Variants in CDH18 observed in about 807,000 individuals in gnomAD.
The protein encoded by CDH18 is cadherin 18, also known as cadherin-18.
A neutral mutation model predicts 67.9 loss-of-function variants in CDH18; 31 were observed. The ratio of observed to expected loss-of-function variants is 0.46; its 90% CI spans 0.34 to 0.62. The LOEUF (loss-of-function observed/expected upper bound fraction) is 0.62, where lower values mean the gene tolerates loss of function less well. Among genes scored for constraint, CDH18 ranks in the 20% least tolerant of loss-of-function variants. CDH18 has a pLI of 0.01. For synonymous variants in CDH18, 362 were observed against 347.2 expected (o/e 1.04, Z -0.48); for missense variants, 890 against 975.5 (o/e 0.91, Z 1.17).
At position 20,270,493 on chromosome 5, in the gene CDH18, C is replaced by A. The variant is rs113866324; in HGVS notation, c.-579-14988G>T. Among the ~76,000 whole-genome samples, 611 of 151,906 alleles carry A rather than the reference C, an allele frequency of 4.0e-3. 1 individual carries two copies. The highest frequency in any genetic ancestry group is 6.5e-3 in the Non-Finnish European group (440 of 67,916). On this transcript the variant is annotated intron_variant, in intron 1 of 14. Transcript: ENST00000507958. ...AAAGTCAAAAAATAACAGATTCTGG[C>A]GAGGTTGTGGAGAAAAAAGGAATGC...
rs1737739693 is a variant in CDH18 at position 20,319,072 on chromosome 5, C to G, written c.-579-63567G>C. ...CTTGTTCATCTCATGAAAACTGGGT[C>G]TTTTTTATCACTTCCTCACGATCCT... On this transcript the variant is annotated intron_variant, in intron 1 of 14. Transcript: ENST00000507958. Among the ~76,000 whole-genome samples the G allele has an allele frequency of 2.0e-5, 3 of 152,124 alleles. No individual in the cohort carries two copies. The South Asian group carries it at 6.2e-4, about 31-fold the overall frequency.
intron 5 of CDH18, among the ~76,000 whole-genome samples, chr5:19,703,412 G>A (rs1763525426): frequency 6.6e-6 from 1 of 152,172 alleles, no homozygotes; most frequent in Admixed American, 6.5e-5. Context: ...GGAGGAAGGA[G>A]AGTATAACTA....
At chr5:20,150,166 G>T (rs1750989564) in intron 2 of CDH18, among the ~76,000 whole-genome samples, 2 of 152,042 alleles carry the variant, frequency 1.3e-5, no homozygotes, top group East Asian at 1.9e-4. Context: ...TAAGAACTAG[G>T]TTTAAGAAAT....
chr5:19,917,683 T>C (rs149190746), intron 2 of CDH18, among the ~76,000 whole-genome samples: 2 of 152,224 alleles, frequency 1.3e-5, no homozygotes, highest in African/African-American at 4.8e-5. Flanking sequence ...GTAATACATA[T>C]CATATTAAGG....
intron 7 of CDH18, among the ~76,000 whole-genome samples, chr5:19,583,607 G>T (rs1337731172): frequency 6.6e-6 from 1 of 152,006 alleles, no homozygotes; most frequent in Non-Finnish European, 1.5e-5. Context: ...TTAAAAACTG[G>T]TGCAAAAATA....
intron 7 of CDH18, 61 bp from the exon 8 acceptor site, chr5:19,571,893 T>TTATG: frequency 7.5e-7 from 1 of 1,338,522 alleles, no homozygotes; most frequent in East Asian, 2.3e-5. Context: ...TGACTTTCAT[T>TTATG]ACTTTTCAAA....
At chr5:20,304,648 C>A (rs1355177705) in intron 1 of CDH18, 1 of 1,611,772 alleles carries the variant, frequency 6.2e-7, no homozygotes, top group East Asian at 2.2e-5. Context: ...AAATGAGGCA[C>A]TTGTCGCTCC....
chr5:20,493,104 TCTAGGAGGC>T (rs1753683861), intron 1 of CDH18, among the ~76,000 whole-genome samples: 1 of 152,032 alleles, frequency 6.6e-6, no homozygotes, highest in African/African-American at 2.4e-5. Flanking sequence ...ATCCCAGCAC[TCTAGGAGGC>T]CTAGGCGGAC....
intron 5 of CDH18, among the ~76,000 whole-genome samples, chr5:19,643,277 G>C (rs78182656): frequency 6.6e-6 from 1 of 152,006 alleles, no homozygotes; most frequent in African/African-American, 2.4e-5. Context: ...CAATATGAAG[G>C]TTTCTCAGAC....
chr5:19,573,912 G>A (rs982948592), intron 7 of CDH18, among the ~76,000 whole-genome samples: 1 of 152,186 alleles, frequency 6.6e-6, no homozygotes, highest in Non-Finnish European at 1.5e-5. Context: ...GCTTGATGAT[G>A]TCTAAGGTTC....
intron 1 of CDH18, among the ~76,000 whole-genome samples, chr5:20,290,240 C>T (rs1354269990): frequency 6.6e-6 from 1 of 152,126 alleles, no homozygotes; most frequent in Non-Finnish European, 1.5e-5. Flanking sequence ...AGTGTTTTAG[C>T]AAGCTCTCCA....
chr5:19,896,165 T>G (rs1273635490), intron 2 of CDH18, among the ~76,000 whole-genome samples: 1 of 152,036 alleles, frequency 6.6e-6, no homozygotes, highest in Non-Finnish European at 1.5e-5. Context: ...GAGACCAGCC[T>G]GGCCAACATG....
chr5:20,251,646 GA>G (rs1743868023), intron 2 of CDH18, among the ~76,000 whole-genome samples: 1 of 152,170 alleles, frequency 6.6e-6, no homozygotes, highest in Non-Finnish European at 1.5e-5. Flanking sequence ...AGTGGTGGGG[GA>G]TGAGGCAGGA....
intron 5 of CDH18, among the ~76,000 whole-genome samples, chr5:19,676,783 C>T (rs1344996241): frequency 6.6e-6 from 1 of 151,998 alleles, no homozygotes; most frequent in Non-Finnish European, 1.5e-5. Flanking sequence ...TGCATGCAGG[C>T]AGCCCACCCT....
At chr5:20,405,459 T>C (rs905388539) in intron 1 of CDH18, among the ~76,000 whole-genome samples, 4 of 152,136 alleles carry the variant, frequency 2.6e-5, no homozygotes, top group Non-Finnish European at 4.4e-5. Context: ...AAAACTTAAA[T>C]GTTAGACCTA....
chr5:19,917,683 T>A (rs149190746), intron 2 of CDH18, among the ~76,000 whole-genome samples: 1 of 152,106 alleles, frequency 6.6e-6, no homozygotes, highest in South Asian at 2.1e-4. Context: ...GTAATACATA[T>A]CATATTAAGG....
chr5:20,175,882 C>A (rs1737193375), intron 2 of CDH18, among the ~76,000 whole-genome samples: 1 of 152,058 alleles, frequency 6.6e-6, no homozygotes, highest in African/African-American at 2.4e-5. Context: ...TTTGGCAACA[C>A]CCTCACAGAT....
At chr5:19,716,585 C>T (rs1464586580) in intron 5 of CDH18, among the ~76,000 whole-genome samples, 1 of 151,516 alleles carries the variant, frequency 6.6e-6, no homozygotes, top group Non-Finnish European at 1.5e-5. Flanking sequence ...TTCTTAGCAT[C>T]TGAGATAGTG....
At chr5:19,684,314 A>AT (rs1760759832) in intron 5 of CDH18, among the ~76,000 whole-genome samples, 1 of 151,650 alleles carries the variant, frequency 6.6e-6, no homozygotes, top group Admixed American at 6.6e-5. Context: ...TAATTTATAC[A>AT]TTTTTCTACC....
Sources: gnomAD v4.1 joint callset for allele counts (sites outside exome capture counted in the v4.1 genomes callset) on GRCh38, gnomAD v4.1.1 for gene constraint, MANE v1.5 for transcripts, NCBI Gene and HGNC (gene_info 2026-07-23, HGNC 2026-07-21) for gene names.